Variants in CDX1 observed in about 807,000 individuals in gnomAD.
The protein encoded by CDX1 is homeobox protein CDX-1.
A neutral mutation model predicts 16.9 loss-of-function variants in CDX1; 9 were observed. That is an observed-to-expected ratio of 0.53 (90% CI 0.32 to 0.93). CDX1 has a LOEUF of 0.93. Ranked by LOEUF, CDX1 falls within the 40% of genes least tolerant of loss-of-function variation. The pLI, the probability that CDX1 is intolerant of heterozygous loss-of-function variation, is 0.04. For missense variants in CDX1, 393 were observed against 386.1 expected, an observed-to-expected ratio of 1.02 and a Z score of -0.15; for synonymous variants, 179 against 179.0, an observed-to-expected ratio of 1.00 and a Z score of 0.00.
At chr5:150,175,424 G>T (rs2113951116) in intron 1 of CDX1, among the ~76,000 whole-genome samples, 1 of 152,348 alleles carries the variant, frequency 6.6e-6, no homozygotes, top group East Asian at 1.9e-4. Flanking sequence ...CCTGGAGGAG[G>T]AGGGTGCAGA....
chr5:150,167,450 T>C (rs1184393532), intron 1 of CDX1, 129 bp downstream of exon 1: 52 of 544,500 alleles, frequency 9.6e-5, no homozygotes, highest in Non-Finnish European at 1.3e-4. Context: ...CTGTCCACTC[T>C]CGCCCTGGGG....
chr5:150,167,406 C>T (rs1012574115), intron 1 of CDX1, 85 bp downstream of exon 1: 21 of 969,158 alleles, frequency 2.2e-5, no homozygotes, highest in Non-Finnish European at 2.7e-5. Context: ...ACCTCTGCTC[C>T]GGCCCTGCTC....
At chr5:150,180,256 G>C (rs1761625384) in intron 1 of CDX1, among the ~76,000 whole-genome samples, 1 of 152,258 alleles carries the variant, frequency 6.6e-6, no homozygotes, top group Non-Finnish European at 1.5e-5. Context: ...CCAATCTGGA[G>C]CCAAGGCCTG....
At chr5:150,172,438 T>C (rs1761519519) in intron 1 of CDX1, among the ~76,000 whole-genome samples, 1 of 152,140 alleles carries the variant, frequency 6.6e-6, no homozygotes, top group Non-Finnish European at 1.5e-5. Context: ...ATACTCATTT[T>C]ATAGATCAGG....
intron 1 of CDX1, among the ~76,000 whole-genome samples, chr5:150,169,577 TGACTCTCCCTGA>T (rs1761478044): frequency 1.3e-5 from 2 of 152,198 alleles, no homozygotes; most frequent in Non-Finnish European, 2.9e-5. Flanking sequence ...TTGGCACTGT[TGACTCTCCCTGA>T]GAGAGAGGCC....
In CDX1 at chr5:150,167,016, G is replaced by C. The variant is rs1451375257; in HGVS notation, c.140G>C (p.Ser47Thr). Residue 47 changes from serine (S) to threonine (T), a missense_variant, in exon 1 of 3, where the codon AGC becomes ACC. By Grantham distance (58) the Ser-to-Thr change is moderately conservative (BLOSUM62 1). Transcript: ENST00000231656. ...CCCCCGCAGTACCCCGACTTCTCCA[G>C]CTACTCTCACGTGGAGCCGGCCCCC... ...PAPPQYPDFS[S>T]YSHVEPAPAP... The C allele has an allele frequency of 1.4e-6, 2 of 1,437,508 alleles. No individual in the cohort carries two copies. The highest frequency in any genetic ancestry group is 2.7e-5 in the Admixed American group (1 of 36,592). 89.0% of individuals were successfully genotyped at this position (1,437,508 alleles called of 1,614,324 possible).
intron 1 of CDX1, among the ~76,000 whole-genome samples, chr5:150,168,064 T>A (rs1376019647): frequency 1.3e-5 from 2 of 152,204 alleles, no homozygotes; most frequent in African/African-American, 4.8e-5. Flanking sequence ...GAGGGGCGGC[T>A]TGACCTCCGT....
rs577577511 is a variant in CDX1, at chr5:150,173,961, G to A, written c.445+6640G>A. Among the ~76,000 whole-genome samples, 57 of 152,344 alleles carry A rather than the reference G, an allele frequency of 3.7e-4. 1 individual carries two copies. The highest frequency in any genetic ancestry group is 4.4e-4 in the Non-Finnish European group (30 of 68,040). ...TGTTTATTGAGTTAAAGAAGCAGAG[G>A]AAGTAGCAGGTTTGTTTTATGTATT... On this transcript the variant is annotated intron_variant, in intron 1 of 2. Coordinates refer to ENST00000231656, the MANE Select transcript of CDX1 (RefSeq NM_001804.3).
intron 1 of CDX1, among the ~76,000 whole-genome samples, chr5:150,174,235 A>G (rs564125109): frequency 6.6e-6 from 1 of 152,368 alleles, no homozygotes; most frequent in East Asian, 1.9e-4. Flanking sequence ...CTTCACTCTC[A>G]GACTAGTCTA....
chr5:150,182,650 C>G (rs1332190106), intron 1 of CDX1, 118 bp from the exon 2 acceptor site: 35 of 943,990 alleles, frequency 3.7e-5, no homozygotes, highest in Non-Finnish European at 5.0e-5. Context: ...TCTCTCCCCA[C>G]CTCAGGGTCC....
chr5:150,181,403 G>C (rs1347691004), intron 1 of CDX1, among the ~76,000 whole-genome samples: 1 of 152,194 alleles, frequency 6.6e-6, no homozygotes. Context: ...AGCCTCCTGG[G>C]TAGCTGGGAT....
At position 150,184,521 on chromosome 5, in the gene CDX1, C is replaced by G. The variant is rs1170965443; in HGVS notation, c.*841C>G. ...TCAAAAATGTATAAAAATCATTATA[C>G]ATAGCATTAAAGAAACATTTTTGAG... On this transcript the variant is annotated 3_prime_UTR_variant, in exon 3 of 3. Transcript: ENST00000231656. 1 of 152,208 alleles carries G rather than the reference C, an allele frequency of 6.6e-6. No homozygotes were observed. Among genetic ancestry groups the G allele is most frequent in the Admixed American group, 6.5e-5 (1 of 15,290 alleles). 9.4% of individuals were successfully genotyped at this position (152,208 alleles called of 1,614,324 possible). A position where few individuals can be genotyped will look rare whatever the true frequency, so the allele number is the denominator to read the frequency against.
chr5:150,173,434 G>GCCT (rs1478347187), intron 1 of CDX1, among the ~76,000 whole-genome samples: 4 of 152,160 alleles, frequency 2.6e-5, no homozygotes, highest in African/African-American at 7.2e-5. Flanking sequence ...TGACATGGAA[G>GCCT]CCTCCTTCTC....
At chr5:150,179,661 G>T (rs977199856) in intron 1 of CDX1, among the ~76,000 whole-genome samples, 3 of 152,232 alleles carry the variant, frequency 2.0e-5, no homozygotes, top group Admixed American at 6.5e-5. Context: ...CTAGGCGAAG[G>T]TCTGGGTGGG....
Position 150,183,519 on chromosome 5 carries a change from A to G in CDX1, c.637A>G (p.Asn213Asp). Residue 213 changes from asparagine to aspartate, a missense_variant, in exon 3 of 3, where the codon AAC becomes GAC. Asn to Asp is a conservative substitution (Grantham distance 23). Transcript: ENST00000231656. ...CCGGCGGGCAAAGGAGCGCAAAGTG[A>G]ACAAGAAGAAACAGCAGCAGCAACA... ...QNRRAKERKVNKKKQQQQQPP... is the reference protein window; with the variant it reads ...QNRRAKERKVDKKKQQQQQPP... 6.2e-7 allele frequency: 1 copy of G among 1,612,152 alleles called. No individual in the cohort carries two copies. Among genetic ancestry groups the G allele is most frequent in the Non-Finnish European group, 8.5e-7 (1 of 1,178,710 alleles).
In CDX1 at chr5:150,181,166, G is replaced by A. The variant is rs553889511; in HGVS notation, c.446-1602G>A. Among the ~76,000 whole-genome samples, 10 of 152,260 alleles carry A rather than the reference G, an allele frequency of 6.6e-5. No individual in the cohort carries two copies. The East Asian group carries it at 1.4e-3, about 21-fold the overall frequency. On this transcript the variant is annotated intron_variant, in intron 1 of 2. Transcript: ENST00000231656. ...ACCAGCTTCCTCACAGCTCCTCACTGTCAGACAGCAGGCAGACAGCAGGCA... is the reference window on the plus strand; with the variant it reads ...ACCAGCTTCCTCACAGCTCCTCACTATCAGACAGCAGGCAGACAGCAGGCA...
intron 1 of CDX1, among the ~76,000 whole-genome samples, chr5:150,170,720 G>A (rs1211957605): frequency 6.6e-6 from 1 of 152,134 alleles, no homozygotes; most frequent in Non-Finnish European, 1.5e-5. Context: ...TTCTAAGGAG[G>A]GGGCAGTGAC....
Position 150,166,814 on chromosome 5 carries a change from C to T in CDX1, c.-63C>T, listed in dbSNP as rs774512499. On this transcript the variant is annotated 5_prime_UTR_variant, in exon 1 of 3. Transcript: ENST00000231656. ...CGAGTTCAGGTGAGCGGTTGCTCGT[C>T]GTCGGGGCGGCCGGCAGCGGCGGCT... The T allele has an allele frequency of 2.5e-6, 3 of 1,218,874 alleles. No individual in the cohort carries two copies. Among genetic ancestry groups the T allele is most frequent in the African/African-American group, 1.6e-5 (1 of 61,654 alleles). 75.5% of individuals were successfully genotyped at this position (1,218,874 alleles called of 1,614,324 possible). A position where few individuals can be genotyped will look rare whatever the true frequency, so the allele number is the denominator to read the frequency against.
At chr5:150,182,709 C>CT in intron 1 of CDX1, 59 bp from the exon 2 acceptor site, 3 of 1,491,084 alleles carry the variant, frequency 2.0e-6, no homozygotes, top group Non-Finnish European at 2.7e-6. Context: ...CTGCCTGGGC[C>CT]TTTTTTGTAG....
Sources: allele counts gnomAD v4.1 joint callset (sites outside exome capture counted in the v4.1 genomes callset), GRCh38; gene constraint gnomAD v4.1.1; transcripts MANE v1.5; gene names NCBI Gene and HGNC (gene_info 2026-07-23, HGNC 2026-07-21).